Variants in PCDH15 observed in about 807,000 individuals in gnomAD.
PCDH15 encodes protocadherin-15.
In PCDH15, 129 loss-of-function variants were observed where a neutral mutation model predicts 178.5. That is an observed-to-expected ratio of 0.72 (90% CI 0.63 to 0.84). PCDH15 has a LOEUF of 0.84. PCDH15 is among the 40% of genes least tolerant of loss of function. PCDH15 has a pLI of 0.00. For missense variants in PCDH15, 2,230 were observed against 2,099.9 expected, an observed-to-expected ratio of 1.06 and a Z score of -1.21; for synonymous variants, 800 against 732.0, an observed-to-expected ratio of 1.09 and a Z score of -1.50.
intron 1 of PCDH15, among the ~76,000 whole-genome samples, chr10:55,279,992 C>T (rs1279944880): frequency 1.3e-5 from 2 of 152,118 alleles, no homozygotes; most frequent in African/African-American, 4.8e-5. Context: ...ATCCACCAGC[C>T]TATCAGGGTT....
chr10:54,482,365 A>G (rs1472250573), intron 3 of PCDH15, among the ~76,000 whole-genome samples: 2 of 151,900 alleles, frequency 1.3e-5, no homozygotes, highest in East Asian at 3.9e-4. Context: ...ATATTCTGGA[A>G]AAAGTATAAA....
chr10:55,384,390 G>C (rs1457425371), intron 2 of PCDH15, among the ~76,000 whole-genome samples: 1 of 152,030 alleles, frequency 6.6e-6, no homozygotes, highest in Non-Finnish European at 1.5e-5. Context: ...AATTTCAAAG[G>C]AAGGCAATTA....
intron 2 of PCDH15, among the ~76,000 whole-genome samples, chr10:55,060,564 A>C (rs1016829123): frequency 4.2e-4 from 64 of 152,138 alleles, no homozygotes; most frequent in African/African-American, 1.4e-3. Flanking sequence ...ACAAAATTCT[A>C]AGAAATATAT....
At chr10:54,208,812 C>T (rs1471325916) in intron 10 of PCDH15, among the ~76,000 whole-genome samples, 1 of 151,862 alleles carries the variant, frequency 6.6e-6, no homozygotes, top group Admixed American at 6.6e-5. Context: ...TAGAATATTT[C>T]CAGATATAGA....
intron 10 of PCDH15, among the ~76,000 whole-genome samples, chr10:54,212,991 A>C (rs2051608794): frequency 6.6e-6 from 1 of 152,190 alleles, no homozygotes; most frequent in Non-Finnish European, 1.5e-5. Flanking sequence ...CACACAAAGC[A>C]GCTTAAACAA....
At chr10:54,263,293 A>T (rs1487872539) in intron 8 of PCDH15, among the ~76,000 whole-genome samples, 4 of 152,136 alleles carry the variant, frequency 2.6e-5, no homozygotes, top group South Asian at 2.1e-4. Context: ...GCACACCATG[A>T]GATAAAGAAA....
chr10:54,660,524 T>C (rs1332667316), intron 2 of PCDH15, among the ~76,000 whole-genome samples: 1 of 152,002 alleles, frequency 6.6e-6, no homozygotes, highest in Non-Finnish European at 1.5e-5. Flanking sequence ...CAGCCAAACT[T>C]TACCAGACAT....
At chr10:55,053,294 T>C (rs1285715668) in intron 2 of PCDH15, among the ~76,000 whole-genome samples, 1 of 152,134 alleles carries the variant, frequency 6.6e-6, no homozygotes, top group African/African-American at 2.4e-5. Context: ...GGGGTTCAAG[T>C]CTCAATTTCA....
intron 2 of PCDH15, among the ~76,000 whole-genome samples, chr10:55,056,278 T>C (rs927907418): frequency 1.3e-5 from 2 of 152,182 alleles, no homozygotes; most frequent in Admixed American, 6.6e-5. Flanking sequence ...TAGGTATCAA[T>C]CCTTTCCCAT....
chr10:54,905,131 G>T (rs1467563574), intron 2 of PCDH15, among the ~76,000 whole-genome samples: 1 of 151,882 alleles, frequency 6.6e-6, no homozygotes, highest in Non-Finnish European at 1.5e-5. Context: ...CAAGGATTTG[G>T]CCTCAAAGTC....
chr10:54,726,854 G>A (rs116437140), intron 1 of PCDH15, among the ~76,000 whole-genome samples: 17,931 of 143,874 alleles, frequency 0.12, 1,183 homozygotes, highest in African/African-American at 0.17. Context: ...TTAAAAAGAA[G>A]AAAAAAAAAA....
chr10:54,393,225 G>A (rs1298616395), intron 3 of PCDH15, among the ~76,000 whole-genome samples: 1 of 152,092 alleles, frequency 6.6e-6, no homozygotes, highest in Non-Finnish European at 1.5e-5. Flanking sequence ...CTAGCTAATG[G>A]TAGTCAGCTT....
rs541942378 is a variant in PCDH15 at position 53,853,612 on chromosome 10, C to T, written c.3806+3563G>A. Among the ~76,000 whole-genome samples, 7 of 152,080 alleles carry T rather than the reference C, an allele frequency of 4.6e-5. No homozygotes were observed. The East Asian group carries it at 1.4e-3, about 29-fold the overall frequency. On this transcript the variant is annotated intron_variant, in intron 28 of 37. Coordinates refer to ENST00000644397, the MANE Select transcript of PCDH15 (RefSeq NM_001384140.1). ...AACCCAATTAAAAATGTGCAAAGGA[C>T]TTGAATAGACATGTTTTAAAAGATG...
chr10:55,380,614 T>C (rs1837510203), intron 2 of PCDH15, among the ~76,000 whole-genome samples: 2 of 152,170 alleles, frequency 1.3e-5, no homozygotes, highest in Admixed American at 1.3e-4. Context: ...TCTCAGTGTT[T>C]CTGACCTGTC....
chr10:54,515,153 G>T (rs2082081792), intron 3 of PCDH15, among the ~76,000 whole-genome samples: 1 of 152,224 alleles, frequency 6.6e-6, no homozygotes, highest in Non-Finnish European at 1.5e-5. Flanking sequence ...AGCGCACCGT[G>T]CACCAGCCAA....
chr10:55,397,639 G>T (rs1314791418), intron 2 of PCDH15, among the ~76,000 whole-genome samples: 2 of 152,098 alleles, frequency 1.3e-5, no homozygotes, highest in African/African-American at 4.8e-5. Flanking sequence ...CTGGAGTGCA[G>T]TGGCGTGATC....
intron 27 of PCDH15, among the ~76,000 whole-genome samples, chr10:53,860,542 C>T (rs1304384203): frequency 6.6e-6 from 1 of 151,880 alleles, no homozygotes; most frequent in Non-Finnish European, 1.5e-5. Flanking sequence ...AGCAGCCTGG[C>T]CAACATGGTG....
At chr10:53,924,524 C>T (rs929351204) in intron 25 of PCDH15, among the ~76,000 whole-genome samples, 4 of 152,342 alleles carry the variant, frequency 2.6e-5, no homozygotes, top group Non-Finnish European at 5.9e-5. Flanking sequence ...TGCTCTGTGG[C>T]ACCTGGTCCC....
intron 2 of PCDH15, among the ~76,000 whole-genome samples, chr10:55,520,085 C>CAT (rs1243611759): frequency 7.8e-6 from 1 of 128,596 alleles, no homozygotes; most frequent in Non-Finnish European, 1.7e-5. Context: ...ATATATAAGG[C>CAT]ATATATATGT....
Sources: gnomAD v4.1 joint callset for allele counts (sites outside exome capture counted in the v4.1 genomes callset) on GRCh38, gnomAD v4.1.1 for gene constraint, MANE v1.5 for transcripts, NCBI Gene and HGNC (gene_info 2026-07-23, HGNC 2026-07-21) for gene names.